TBC1D5: variants seen among roughly 807,000 people sequenced by gnomAD.
TBC1D5 encodes TBC1 domain family member 5.
TBC1D5 carries 75 observed loss-of-function variants against 100.3 expected under a neutral mutation model. The ratio of observed to expected loss-of-function variants is 0.75; its 90% CI spans 0.62 to 0.91. TBC1D5 has a LOEUF of 0.91. Ranked by LOEUF, TBC1D5 falls within the 40% of genes least tolerant of loss-of-function variation. TBC1D5 has a pLI of 0.00. For synonymous variants in TBC1D5, 323 were observed against 325.6 expected (o/e 0.99, Z 0.09); for missense variants, 910 against 942.4 (o/e 0.97, Z 0.45).
At chr3:17,561,758 A>G (rs1443769776) in intron 2 of TBC1D5, among the ~76,000 whole-genome samples, 1 of 152,186 alleles carries the variant, frequency 6.6e-6, no homozygotes, top group Non-Finnish European at 1.5e-5. Context: ...AAAAGAAAGA[A>G]ACTGTCCCAG....
intron 2 of TBC1D5, among the ~76,000 whole-genome samples, chr3:17,564,520 GA>G (rs2096581785): frequency 6.6e-6 from 1 of 152,124 alleles, no homozygotes; most frequent in Non-Finnish European, 1.5e-5. Flanking sequence ...AAGTGACAAT[GA>G]ATGTACAAGC....
chr3:17,680,145 G>A (rs1321652426), intron 1 of TBC1D5, among the ~76,000 whole-genome samples: 1 of 150,840 alleles, frequency 6.6e-6, no homozygotes, highest in Admixed American at 6.6e-5. Context: ...TCATCTAAAT[G>A]TTCTTTCTTT....
At chr3:17,416,249 A>G (rs1446361637) in intron 4 of TBC1D5, among the ~76,000 whole-genome samples, 1 of 152,248 alleles carries the variant, frequency 6.6e-6, no homozygotes, top group East Asian at 1.9e-4. Flanking sequence ...CCGAGATGAC[A>G]GAAATGTTCT....
intron 19 of TBC1D5, among the ~76,000 whole-genome samples, chr3:17,169,865 G>T (rs9985363): frequency 1.3e-5 from 2 of 152,128 alleles, no homozygotes; most frequent in Non-Finnish European, 2.9e-5. Flanking sequence ...AAATGGTTTC[G>T]CGATGAAACT....
intron 1 of TBC1D5, among the ~76,000 whole-genome samples, chr3:17,737,324 C>G (rs1053834061): frequency 1.3e-5 from 2 of 152,018 alleles, no homozygotes; most frequent in African/African-American, 4.8e-5. Flanking sequence ...GTTTAGTAAC[C>G]CTAGAAGATA....
At chr3:17,520,441 ATTT>A (rs989135257) in intron 2 of TBC1D5, among the ~76,000 whole-genome samples, 1 of 152,126 alleles carries the variant, frequency 6.6e-6, no homozygotes, top group African/African-American at 2.4e-5. Context: ...TTGAAACATG[ATTT>A]TTTTCAATGA....
chr3:17,648,963 A>T (rs539526841), intron 1 of TBC1D5, among the ~76,000 whole-genome samples: 1 of 152,326 alleles, frequency 6.6e-6, no homozygotes, highest in African/African-American at 2.4e-5. Flanking sequence ...TCAATCCAGC[A>T]ATCCCATTAC....
intron 14 of TBC1D5, among the ~76,000 whole-genome samples, chr3:17,292,730 T>C (rs999995770): frequency 7.2e-5 from 11 of 152,206 alleles, no homozygotes; most frequent in African/African-American, 2.7e-4. Context: ...CTGCCACTGC[T>C]GTCAGAGTCA....
At chr3:17,538,683 ACTG>A (rs2096312238) in intron 2 of TBC1D5, among the ~76,000 whole-genome samples, 1 of 152,144 alleles carries the variant, frequency 6.6e-6, no homozygotes, top group East Asian at 1.9e-4. Context: ...AAGATTCACC[ACTG>A]CTAACAGGTG....
chr3:17,307,622 C>T lies in TBC1D5; in HGVS notation c.1138+370G>A, dbSNP rs964368429. ...AAAATAATTCCAATCTCCTGATAAACATCCTTGAATATTCCCTACCTGTCA... is the reference window on the plus strand; with the variant it reads ...AAAATAATTCCAATCTCCTGATAAATATCCTTGAATATTCCCTACCTGTCA... On this transcript the variant is annotated intron_variant, in intron 14 of 21. Transcript: ENST00000253692. Among the ~76,000 whole-genome samples the T allele has an allele frequency of 1.1e-4, 17 of 152,258 alleles. No homozygotes were observed. In the East Asian group the frequency reaches 3.1e-3, roughly 28 times the overall value.
rs148250865 is a variant in TBC1D5 at position 17,167,711 on chromosome 3, C to CG, written c.1932+37dup. 4.3e-3 allele frequency: 6,803 copies of CG among 1,590,530 alleles called. 241 individuals carry two copies. In the African/African-American group the frequency reaches 0.079, roughly 18 times the overall value. On this transcript the variant is annotated intron_variant, in intron 20 of 21. Transcript: ENST00000253692. ...CCTGGGGGGCCCTCCCCGCGGCAGG[C>CG]GGGACACAAAGAAATAGTGTCAGAG... is the stretch of plus-strand genomic sequence containing the variant.
In TBC1D5 at chr3:17,458,047, AAAG is replaced by A. The variant is rs1165167429; in HGVS notation, c.98-29531_98-29529del. Among the ~76,000 whole-genome samples, 11 of 152,316 alleles carry A rather than the reference AAAG, an allele frequency of 7.2e-5. No individual in the cohort carries two copies. The East Asian group carries it at 1.9e-3, about 27-fold the overall frequency. ...GTCACGTCTTTCCTTTGTACTCAAA[AAAG>A]TTATTTACCAAGGTACTTATGATCC... On this transcript the variant is annotated intron_variant, in intron 3 of 21. Coordinates refer to ENST00000253692, the Ensembl canonical transcript of TBC1D5.
intron 21 of TBC1D5, among the ~76,000 whole-genome samples, chr3:17,163,467 G>A (rs1397964322): frequency 6.6e-6 from 1 of 152,052 alleles, no homozygotes; most frequent in Non-Finnish European, 1.5e-5. Flanking sequence ...AACATTTACA[G>A]AAGTTTTGTA....
At chr3:17,239,667 T>A (rs186404768) in intron 16 of TBC1D5, among the ~76,000 whole-genome samples, 1 of 152,270 alleles carries the variant, frequency 6.6e-6, no homozygotes, top group Non-Finnish European at 1.5e-5. Context: ...CTATCAACTC[T>A]CTTAACCACT....
At chr3:17,517,526 G>C (rs570558942) in intron 2 of TBC1D5, among the ~76,000 whole-genome samples, 4 of 152,172 alleles carry the variant, frequency 2.6e-5, no homozygotes, top group African/African-American at 9.6e-5. Context: ...TGTGTCATAA[G>C]GCAATGATTA....
In TBC1D5 at chr3:17,728,872, T is replaced by C. The variant is rs574464062; in HGVS notation, c.-101+10471A>G. ...CAAAAATCGTAAACAAAAAGAGTAATATATGAGACTACATAAAAATGTAAT... is the reference window on the plus strand; with the variant it reads ...CAAAAATCGTAAACAAAAAGAGTAACATATGAGACTACATAAAAATGTAAT... On this transcript the variant is annotated intron_variant, in intron 1 of 21. Transcript: ENST00000253692. Among the ~76,000 whole-genome samples, 243 of 151,762 alleles carry C rather than the reference T, an allele frequency of 1.6e-3. 1 individual carries two copies. The highest frequency in any genetic ancestry group is 6.8e-3 in the Middle Eastern group (2 of 292).
chr3:17,682,026 T>C (rs2069556623), intron 1 of TBC1D5, among the ~76,000 whole-genome samples: 1 of 151,540 alleles, frequency 6.6e-6, no homozygotes, highest in African/African-American at 2.4e-5. Context: ...CAGTTTCTTC[T>C]GGAAACCATC....
At chr3:17,687,756 C>A (rs925216801) in intron 1 of TBC1D5, among the ~76,000 whole-genome samples, 2 of 152,228 alleles carry the variant, frequency 1.3e-5, no homozygotes, top group Non-Finnish European at 2.9e-5. Flanking sequence ...ATTCTCTTAT[C>A]TCACACAATA....
intron 1 of TBC1D5, among the ~76,000 whole-genome samples, chr3:17,676,768 T>G (rs558554529): frequency 6.6e-6 from 1 of 152,224 alleles, no homozygotes; most frequent in South Asian, 2.1e-4. Flanking sequence ...AAGGCTACAA[T>G]AACCAAAACA....
Sources: gnomAD v4.1 joint callset for allele counts (sites outside exome capture counted in the v4.1 genomes callset) on GRCh38, gnomAD v4.1.1 for gene constraint, MANE v1.5 for transcripts, NCBI Gene and HGNC (gene_info 2026-07-23, HGNC 2026-07-21) for gene names.